The following LRP1B variants were observed in gnomAD, a reference collection of about 807,000 sequenced individuals.
LRP1B encodes the protein LDL receptor related protein 1B, also known as low-density lipoprotein receptor-related protein 1B.
A neutral mutation model predicts 556.6 loss-of-function variants in LRP1B; 217 were observed. The ratio of observed to expected loss-of-function variants is 0.39; its 90% confidence interval spans 0.35 to 0.44. The LOEUF (loss-of-function observed/expected upper bound fraction) is 0.44. Ranked by LOEUF, LRP1B falls within the 20% of genes least tolerant of loss-of-function variation. The pLI, the probability that LRP1B is intolerant of heterozygous loss-of-function variation, is 1.00. For synonymous variants in LRP1B, 2,047 were observed against 1,865.8 expected (o/e 1.10, Z -2.50); for missense variants, 5,053 against 5,620.8 (o/e 0.90, Z 3.23).
chr2:141,986,682 A>C (rs1434735732), intron 1 of LRP1B, among the ~76,000 whole-genome samples: 1 of 151,922 alleles, frequency 6.6e-6, no homozygotes, highest in Admixed American at 6.6e-5. Context: ...ACGTATGTTG[A>C]CCCTTTCCAG....
At chr2:140,908,686 G>A (rs770177091) in intron 21 of LRP1B, among the ~76,000 whole-genome samples, 17 of 151,842 alleles carry the variant, frequency 1.1e-4, no homozygotes, top group Middle Eastern at 3.4e-3. Context: ...ATGTATAGAC[G>A]GAATTTATAG....
intron 82 of LRP1B, among the ~76,000 whole-genome samples, chr2:140,316,673 A>G (rs1374396444): frequency 6.6e-6 from 1 of 152,184 alleles, no homozygotes; most frequent in Non-Finnish European, 1.5e-5. Context: ...TCACTTTAAA[A>G]TGTCCTTAAT....
intron 2 of LRP1B, among the ~76,000 whole-genome samples, chr2:141,653,723 T>G (rs1293284329): frequency 1.3e-5 from 2 of 152,190 alleles, no homozygotes; most frequent in African/African-American, 4.8e-5. Flanking sequence ...TGGCGGTGCC[T>G]AAGCAACCTG....
Position 140,731,979 on chromosome 2 carries a change from A to G in LRP1B, c.5759-15163T>C, listed in dbSNP as rs552217917. On this transcript the variant is annotated intron_variant, in intron 35 of 90. Coordinates refer to ENST00000389484, the MANE Select transcript of LRP1B (RefSeq NM_018557.3). ...AAGGGTCAAAGCAAAGCAATTTTGT[A>G]ACTCTGAATACTTAAAATTACAAAA... is the stretch of plus-strand genomic sequence containing the variant. 2.5e-4 allele frequency among the ~76,000 whole-genome samples: 38 copies of G among 152,236 alleles called. No homozygotes were observed. In the South Asian group the frequency reaches 7.9e-3, roughly 32 times the overall value.
chr2:141,980,418 C>T (rs890238873), intron 1 of LRP1B, among the ~76,000 whole-genome samples: 3 of 152,094 alleles, frequency 2.0e-5, no homozygotes, highest in African/African-American at 7.2e-5. Context: ...AAGAAAACCA[C>T]AGATTTTCAT....
At chr2:141,821,061 A>C (rs1194648377) in intron 1 of LRP1B, among the ~76,000 whole-genome samples, 1 of 152,192 alleles carries the variant, frequency 6.6e-6, no homozygotes, top group Non-Finnish European at 1.5e-5. Flanking sequence ...AAGAAGCTGT[A>C]ATCTGAGAAG....
intron 2 of LRP1B, among the ~76,000 whole-genome samples, chr2:141,526,309 C>A (rs900613302): frequency 3.3e-5 from 5 of 151,848 alleles, no homozygotes; most frequent in Admixed American, 2.6e-4. Context: ...ACTTGAAAGA[C>A]AAAAATAATT....
chr2:142,027,255 C>G (rs1269107902), intron 1 of LRP1B, among the ~76,000 whole-genome samples: 2 of 151,410 alleles, frequency 1.3e-5, no homozygotes, highest in Non-Finnish European at 2.9e-5. Context: ...ACTGTCTAGT[C>G]TAATCCTTTC....
At chr2:140,541,139 T>C (rs753426211) in intron 44 of LRP1B, 41 bp from the exon 45 acceptor site, 3 of 1,517,786 alleles carry the variant, frequency 2.0e-6, no homozygotes, top group Non-Finnish European at 2.7e-6. Flanking sequence ...TTATATCGAA[T>C]TCCTGTTCTA....
intron 84 of LRP1B, among the ~76,000 whole-genome samples, chr2:140,279,093 C>A (rs1682810530): frequency 6.6e-6 from 1 of 151,872 alleles, no homozygotes; most frequent in South Asian, 2.1e-4. Context: ...TCTCCACTCT[C>A]TCTCTTTCTC....
At chr2:141,086,216 C>T (rs1330279488) in intron 7 of LRP1B, among the ~76,000 whole-genome samples, 2 of 152,136 alleles carry the variant, frequency 1.3e-5, no homozygotes, top group East Asian at 3.9e-4. Flanking sequence ...ACATGTCACC[C>T]ATTGATTTCA....
rs909300051 is a variant in LRP1B, at chr2:140,595,115, T to C, written c.7194+3516A>G. 2.5e-4 allele frequency among the ~76,000 whole-genome samples: 24 copies of C among 95,256 alleles called. No individual in the cohort carries two copies. The East Asian group carries it at 4.7e-3, about 19-fold the overall frequency. 62.5% of individuals were successfully genotyped at this position (95,256 alleles called of 152,430 possible). ...ATATATATATATATATATATATATATATATATATATATATATATATATTAG... is the reference window on the plus strand; with the variant it reads ...ATATATATATATATATATATATATACATATATATATATATATATATATTAG... On this transcript the variant is annotated intron_variant, in intron 43 of 90. Coordinates refer to ENST00000389484, the MANE Select transcript of LRP1B (RefSeq NM_018557.3).
intron 1 of LRP1B, among the ~76,000 whole-genome samples, chr2:141,954,656 G>A (rs890512377): frequency 1.3e-5 from 2 of 152,004 alleles, no homozygotes; most frequent in East Asian, 1.9e-4. Context: ...TGTCTTAATC[G>A]TTGTTACTAT....
chr2:141,728,022 C>T (rs78815153), intron 2 of LRP1B, among the ~76,000 whole-genome samples: 6,781 of 151,854 alleles, frequency 0.045, 206 homozygotes, highest in South Asian at 0.1. Context: ...GTACTTTTAG[C>T]GCTATAATGA....
chr2:141,025,602 C>A (rs1037521634), intron 11 of LRP1B, among the ~76,000 whole-genome samples: 2 of 152,038 alleles, frequency 1.3e-5, no homozygotes, highest in Admixed American at 6.6e-5. Flanking sequence ...AATTCTTCCT[C>A]CAGACTGTCT....
chr2:140,347,351 T>G (rs894758946), intron 77 of LRP1B, among the ~76,000 whole-genome samples: 19 of 151,838 alleles, frequency 1.3e-4, no homozygotes, highest in Non-Finnish European at 7.4e-5. Flanking sequence ...TATAAAAGTA[T>G]TTCTAACTAA....
At chr2:141,271,908 C>T (rs1404049128) in intron 3 of LRP1B, among the ~76,000 whole-genome samples, 2 of 151,704 alleles carry the variant, frequency 1.3e-5, no homozygotes, top group African/African-American at 4.8e-5. Flanking sequence ...AGGCTTATAA[C>T]ATATAGAAAT....
intron 11 of LRP1B, among the ~76,000 whole-genome samples, chr2:141,048,448 A>G: frequency 6.6e-6 from 1 of 152,112 alleles, no homozygotes; most frequent in African/African-American, 2.4e-5. Flanking sequence ...TGTACCTATA[A>G]ATAAAAATAG....
At chr2:141,430,081 C>G (rs1453991070) in intron 3 of LRP1B, among the ~76,000 whole-genome samples, 1 of 152,116 alleles carries the variant, frequency 6.6e-6, no homozygotes, top group Non-Finnish European at 1.5e-5. Context: ...CTCTCACTAA[C>G]TAGCCTAAAA....
Sources: gnomAD v4.1 joint callset for allele counts (sites outside exome capture counted in the v4.1 genomes callset) on GRCh38, gnomAD v4.1.1 for gene constraint, MANE v1.5 for transcripts, NCBI Gene and HGNC (gene_info 2026-07-23, HGNC 2026-07-21) for gene names.